The following RGR variants were observed in gnomAD, a reference collection of about 807,000 sequenced individuals.
RGR encodes retinal G protein coupled receptor, also known as RPE-retinal G protein-coupled receptor.
Under a neutral mutation model 28.6 loss-of-function variants are expected in RGR, and 30 were observed. That is an observed-to-expected ratio of 1.05 (90% confidence interval 0.78 to 1.42). The LOEUF (loss-of-function observed/expected upper bound fraction) is 1.42. Among genes scored for constraint, RGR ranks in the 40% most tolerant of loss-of-function variants. The pLI is 0.00. For synonymous variants in RGR, 180 were observed against 156.4 expected, an observed-to-expected ratio of 1.15 and a Z score of -1.13; for missense variants, 404 against 375.6, an observed-to-expected ratio of 1.08 and a Z score of -0.62.
chr10:84,247,300 A>G (rs1306405105), intron 1 of RGR, among the ~76,000 whole-genome samples: 1 of 152,200 alleles, frequency 6.6e-6, no homozygotes, highest in Non-Finnish European at 1.5e-5. Context: ...AGGGCAAGTT[A>G]GCTAGTGTCT....
intron 6 of RGR, among the ~76,000 whole-genome samples, chr10:84,258,306 G>A (rs1842912918): frequency 6.6e-6 from 1 of 152,160 alleles, no homozygotes; most frequent in South Asian, 2.1e-4. Context: ...CCCCAGGCTG[G>A]GAGCAGGTGG....
intron 5 of RGR, among the ~76,000 whole-genome samples, chr10:84,256,662 C>G (rs1381250331): frequency 6.6e-6 from 1 of 152,178 alleles, no homozygotes; most frequent in Non-Finnish European, 1.5e-5. Context: ...CCCTGGCTCC[C>G]AGCTGGCTGC....
intron 2 of RGR, chr10:84,248,499 T>C (rs977700650): frequency 2.9e-5 from 9 of 305,840 alleles, no homozygotes; most frequent in South Asian, 1.3e-4. Flanking sequence ...CCACAGAGAA[T>C]TGAAGTTTCC....
At chr10:84,246,586 C>T (rs910192514) in intron 1 of RGR, among the ~76,000 whole-genome samples, 2 of 152,186 alleles carry the variant, frequency 1.3e-5, no homozygotes, top group African/African-American at 4.8e-5. Flanking sequence ...AGCTATTATT[C>T]CATGATGTAT....
intron 3 of RGR, chr10:84,250,501 C>T (rs1445127874): frequency 1.4e-6 from 1 of 705,412 alleles, no homozygotes; most frequent in Non-Finnish European, 2.6e-6. Flanking sequence ...CCCTAATGCT[C>T]CCTTGGACCA....
rs555211328 is a variant in RGR at position 84,249,151 on chromosome 10, G to A, written c.358+108G>A. On this transcript the variant is annotated intron_variant, in intron 3 of 6. Transcript: ENST00000652092. The stretch of plus-strand genomic sequence containing the variant: ...CTACTGCTCCGTGTTTCCCAGTACA[G>A]GGAAGTGTGGGTAGGTGTGAGTGTG... 12 of 1,497,890 alleles carry A rather than the reference G, an allele frequency of 8.0e-6. 1 individual carries two copies. In the East Asian group the frequency reaches 1.1e-4, roughly 14 times the overall value. The allele number at this position is 1,497,890 out of a possible 1,614,324, so 92.8% of individuals were successfully genotyped here.
At chr10:84,258,440 A>G (rs375409241) in intron 6 of RGR, 68 bp from the exon 7 acceptor site, 2 of 1,612,614 alleles carry the variant, frequency 1.2e-6, no homozygotes, top group Non-Finnish European at 1.7e-6. Context: ...GACCGGGGTC[A>G]CCAGGTGAGA....
rs1842765565 is a variant in RGR at position 84,247,745 on chromosome 10, C to A, written c.234C>A (p.Leu78=). The A allele has an allele frequency of 6.2e-7, 1 of 1,614,006 alleles. No homozygotes were observed. Among genetic ancestry groups the A allele is most frequent in the Non-Finnish European group, 8.5e-7 (1 of 1,180,022 alleles). Residue 78 remains leucine, a splice_region_variant and synonymous_variant, in exon 2 of 7, where the codon CTC becomes CTA. Transcript: ENST00000652092. ...NALVAATSSL[L]RRWPYGSDGC... is the part of the protein sequence containing the mutation. ...TCGTTGCAGCCACATCCAGCCTTCTCCGGTACCAGCCCCCTCCCCAGTCCA... is the reference window on the plus strand; with the variant it reads ...TCGTTGCAGCCACATCCAGCCTTCTACGGTACCAGCCCCCTCCCCAGTCCA...
intron 5 of RGR, 38 bp from the exon 6 acceptor site, chr10:84,257,855 G>A: frequency 6.3e-7 from 1 of 1,595,130 alleles, no homozygotes; most frequent in Non-Finnish European, 8.6e-7. Flanking sequence ...TGGGCCACCT[G>A]GAGCAAGCTG....
At chr10:84,245,317 C>T in intron 1 of RGR, 148 bp downstream of exon 1, 1 of 702,742 alleles carries the variant, frequency 1.4e-6, no homozygotes, top group Non-Finnish European at 2.4e-6. Context: ...TGTGCCCGGA[C>T]TCGGGGGGTG....
chr10:84,257,655 G>A (rs1428032755), intron 5 of RGR, among the ~76,000 whole-genome samples: 1 of 152,194 alleles, frequency 6.6e-6, no homozygotes, highest in African/African-American at 2.4e-5. Context: ...GTATTGTCAG[G>A]CCATTTTACA....
chr10:84,257,719 T>C (rs1842904875), intron 5 of RGR, among the ~76,000 whole-genome samples, 174 bp from the exon 6 acceptor site: 1 of 152,142 alleles, frequency 6.6e-6, no homozygotes, highest in African/African-American at 2.4e-5. Flanking sequence ...GGTCACACAG[T>C]CTTAAACAAC....
intron 2 of RGR, chr10:84,248,146 C>T: frequency 1.1e-6 from 1 of 912,400 alleles, no homozygotes; most frequent in Non-Finnish European, 1.5e-6. Flanking sequence ...TGCTTGATAC[C>T]TAGGACTCTA....
intron 5 of RGR, among the ~76,000 whole-genome samples, chr10:84,254,662 C>T (rs4244948): frequency 0.5 from 75,650 of 151,968 alleles, 21,448 homozygotes; most frequent in African/African-American, 0.79. Context: ...GTATTTTGGG[C>T]TCTTTTATAT....
chr10:84,251,918 T>C (rs1842823002), intron 3 of RGR, among the ~76,000 whole-genome samples: 1 of 152,152 alleles, frequency 6.6e-6, no homozygotes, highest in Non-Finnish European at 1.5e-5. Context: ...AGAAGCAAAC[T>C]GTCAGATGAG....
chr10:84,248,009 C>T (rs894480644), intron 2 of RGR: 2 of 621,470 alleles, frequency 3.2e-6, no homozygotes, highest in African/African-American at 3.7e-5. Flanking sequence ...AACCAAGCAA[C>T]CTAGGTTTGC....
At position 84,259,514 on chromosome 10, in the gene RGR, A is replaced by G. The variant is rs1842928287; in HGVS notation, c.*875A>G. 1 of 152,156 alleles carries G rather than the reference A, an allele frequency of 6.6e-6. No individual in the cohort carries two copies. The highest frequency in any genetic ancestry group is 6.5e-5 in the Admixed American group (1 of 15,278). The allele number at this position is 152,156 out of a possible 1,614,324, so 9.4% of individuals were successfully genotyped here. Reference sequence around the variant, plus strand: ...TAATTTACAGTCCCACCAACAGTGTATAGGTGTTCCCTTTTCTCTGCATCC... The same window carrying G: ...TAATTTACAGTCCCACCAACAGTGTGTAGGTGTTCCCTTTTCTCTGCATCC... On this transcript the variant is annotated 3_prime_UTR_variant, in exon 7 of 7. Coordinates refer to ENST00000652092, the MANE Select transcript of RGR (RefSeq NM_001012720.2).
chr10:84,249,547 G>A (rs1483787415), intron 3 of RGR, among the ~76,000 whole-genome samples: 6 of 152,142 alleles, frequency 3.9e-5, no homozygotes, highest in Non-Finnish European at 7.3e-5. Flanking sequence ...TCCTGACCTC[G>A]TGATCTACCC....
Position 84,258,661 on chromosome 10 carries a change from C to T in RGR, c.*22C>T. 1.9e-6 allele frequency: 3 copies of T among 1,613,820 alleles called. No homozygotes were observed. The highest frequency in any genetic ancestry group is 2.5e-6 in the Non-Finnish European group (3 of 1,179,900). The stretch of plus-strand genomic sequence containing the variant: ...GTGAGCCTGCCACCCTGGAGTGAGC[C>T]CCAGGCCAGGAGGCTGTTCCAGGAG... On this transcript the variant is annotated 3_prime_UTR_variant, in exon 7 of 7. Transcript: ENST00000652092.
Sources: allele counts gnomAD v4.1 joint callset (sites outside exome capture counted in the v4.1 genomes callset), GRCh38; gene constraint gnomAD v4.1.1; transcripts MANE v1.5; gene names NCBI Gene and HGNC (gene_info 2026-07-23, HGNC 2026-07-21).